ERC2: variants seen among roughly 807,000 people sequenced by gnomAD.
ERC2 encodes the protein ERC protein 2.
A neutral mutation model predicts 114.8 loss-of-function variants in ERC2; 42 were observed. The ratio of observed to expected loss-of-function variants is 0.37; its 90% confidence interval spans 0.29 to 0.47. The LOEUF is 0.47. Ranked by LOEUF, ERC2 falls within the 20% of genes least tolerant of loss-of-function variation. ERC2 has a pLI of 0.99. For missense variants in ERC2, 939 were observed against 1,150.7 expected, an observed-to-expected ratio of 0.82 and a Z score of 2.66; for synonymous variants, 454 against 425.5, an observed-to-expected ratio of 1.07 and a Z score of -0.82.
In ERC2 at chr3:55,969,368, C is replaced by A. The variant is rs561622992; in HGVS notation, c.2267+16609G>T. On this transcript the variant is annotated intron_variant, in intron 12 of 17. Coordinates refer to ENST00000288221, the MANE Select transcript of ERC2 (RefSeq NM_015576.3). ...CAGAAAAGCTGGAAAACTGGAAAGTCGCTGGTCAGGAATTTTATACACATA... is the reference window on the plus strand; with the variant it reads ...CAGAAAAGCTGGAAAACTGGAAAGTAGCTGGTCAGGAATTTTATACACATA... 3.3e-5 allele frequency among the ~76,000 whole-genome samples: 5 copies of A among 150,138 alleles called. No homozygotes were observed. In the East Asian group the frequency reaches 9.9e-4, roughly 30 times the overall value.
At chr3:55,903,130 C>T (rs2064236005) in intron 13 of ERC2, among the ~76,000 whole-genome samples, 1 of 152,212 alleles carries the variant, frequency 6.6e-6, no homozygotes, top group African/African-American at 2.4e-5. Context: ...CTCCAAGCTT[C>T]ACCAAATACC....
chr3:55,916,619 A>G (rs941905934), intron 13 of ERC2, among the ~76,000 whole-genome samples: 15 of 152,132 alleles, frequency 9.9e-5, no homozygotes, highest in Non-Finnish European at 1.8e-4. Flanking sequence ...CACTGCAGGT[A>G]GCTTGCATTT....
chr3:56,350,682 A>G (rs918001076), intron 2 of ERC2, among the ~76,000 whole-genome samples: 10 of 152,200 alleles, frequency 6.6e-5, no homozygotes, highest in African/African-American at 2.4e-4. Flanking sequence ...GGGACAGTGC[A>G]ACTTGTCAAA....
chr3:55,927,103 C>A (rs1236876773), intron 13 of ERC2, among the ~76,000 whole-genome samples: 1 of 152,166 alleles, frequency 6.6e-6, no homozygotes, highest in Non-Finnish European at 1.5e-5. Flanking sequence ...TGGGGACTTG[C>A]CTCATTAGAA....
chr3:56,218,742 A>G (rs690223), intron 3 of ERC2, among the ~76,000 whole-genome samples: 2,671 of 152,302 alleles, frequency 0.018, 28 homozygotes, highest in Non-Finnish European at 0.027. Context: ...ACCAACCCAA[A>G]TGTCCAACAA....
intron 7 of ERC2, among the ~76,000 whole-genome samples, chr3:56,044,584 A>T (rs575936711): frequency 9.5e-4 from 144 of 152,296 alleles, no homozygotes; most frequent in African/African-American, 3.4e-3. Context: ...AGTACTCAAG[A>T]AACTATTTTC....
intron 17 of ERC2, among the ~76,000 whole-genome samples, chr3:55,546,199 C>A (rs569854292): frequency 2.0e-5 from 3 of 152,180 alleles, no homozygotes; most frequent in African/African-American, 7.2e-5. Context: ...CTCTGCTCGG[C>A]ACTTCCTGGG....
intron 17 of ERC2, among the ~76,000 whole-genome samples, chr3:55,561,095 C>T (rs1462279963): frequency 1.3e-5 from 2 of 151,504 alleles, no homozygotes; most frequent in African/African-American, 2.4e-5. Context: ...CAGGCAGAAG[C>T]TTTAGATGAT....
At chr3:56,059,001 G>C (rs2076129973) in intron 7 of ERC2, among the ~76,000 whole-genome samples, 1 of 152,144 alleles carries the variant, frequency 6.6e-6, no homozygotes, top group South Asian at 2.1e-4. Flanking sequence ...GGGTCAATGA[G>C]GGGATCATAG....
intron 7 of ERC2, among the ~76,000 whole-genome samples, chr3:56,060,205 C>G (rs557453983): frequency 6.6e-6 from 1 of 152,158 alleles, no homozygotes; most frequent in Non-Finnish European, 1.5e-5. Flanking sequence ...AAGGAACTGA[C>G]AAACAAACAT....
chr3:55,754,667 A>C (rs2066937126), intron 14 of ERC2, among the ~76,000 whole-genome samples: 1 of 151,428 alleles, frequency 6.6e-6, no homozygotes, highest in Admixed American at 6.6e-5. Flanking sequence ...GCTATGATCA[A>C]ATAAATGAAA....
intron 6 of ERC2, among the ~76,000 whole-genome samples, chr3:56,109,903 C>A (rs1170259868): frequency 6.6e-6 from 1 of 152,142 alleles, no homozygotes; most frequent in African/African-American, 2.4e-5. Flanking sequence ...AAATGACTGA[C>A]AAATTCAACT....
chr3:56,081,433 G>A (rs893650992), intron 6 of ERC2, among the ~76,000 whole-genome samples: 7 of 152,038 alleles, frequency 4.6e-5, no homozygotes, highest in African/African-American at 1.7e-4. Context: ...TTGACATGTA[G>A]AGAAACACTC....
At chr3:55,578,730 G>C (rs1026766395) in intron 17 of ERC2, among the ~76,000 whole-genome samples, 6 of 152,122 alleles carry the variant, frequency 3.9e-5, no homozygotes, top group Admixed American at 6.5e-5. Flanking sequence ...TGTCTTGGCT[G>C]GGCTCACTCA....
In ERC2 at chr3:56,057,296, A is replaced by G. The variant is rs142721870; in HGVS notation, c.1641+23521T>C. Among the ~76,000 whole-genome samples the G allele has an allele frequency of 2.1e-4, 32 of 152,314 alleles. 1 individual carries two copies. In the East Asian group the frequency reaches 3.3e-3, roughly 16 times the overall value. ...GCCATCCATCCACAGAATGATTTTC[A>G]TCTTACAAAACTAAAATTTTGTACC... On this transcript the variant is annotated intron_variant, in intron 7 of 17. Transcript: ENST00000288221.
chr3:56,449,542 T>C (rs2062737449), intron 1 of ERC2, among the ~76,000 whole-genome samples: 1 of 152,218 alleles, frequency 6.6e-6, no homozygotes, highest in Non-Finnish European at 1.5e-5. Flanking sequence ...ATGGCAGTTA[T>C]AGGACAATTC....
chr3:56,417,787 T>C (rs2061225911), intron 2 of ERC2, among the ~76,000 whole-genome samples: 1 of 152,164 alleles, frequency 6.6e-6, no homozygotes, highest in African/African-American at 2.4e-5. Flanking sequence ...TTGCCAGTTC[T>C]GCTCACAGAA....
intron 2 of ERC2, among the ~76,000 whole-genome samples, chr3:56,381,764 G>C (rs185586738): frequency 1.3e-4 from 20 of 151,868 alleles, no homozygotes; most frequent in Admixed American, 4.6e-4. Context: ...AGAAAAAAAG[G>C]GGGGGGTGGA....
intron 2 of ERC2, among the ~76,000 whole-genome samples, chr3:56,336,771 T>C (rs751497296): frequency 2.0e-4 from 30 of 152,092 alleles, no homozygotes; most frequent in Non-Finnish European, 3.2e-4. Context: ...CACTCTAGCC[T>C]GGGGGATAGA....
Sources: gnomAD v4.1 joint callset for allele counts (sites outside exome capture counted in the v4.1 genomes callset) on GRCh38, gnomAD v4.1.1 for gene constraint, MANE v1.5 for transcripts, NCBI Gene and HGNC (gene_info 2026-07-23, HGNC 2026-07-21) for gene names.